The following NTRK3 variants were observed in gnomAD, a reference collection of about 807,000 sequenced individuals.
The protein encoded by NTRK3 is NT-3 growth factor receptor.
A neutral mutation model predicts 91.7 loss-of-function variants in NTRK3; 24 were observed. The observed-to-expected ratio is 0.26, with a 90% confidence interval of 0.19 to 0.37. NTRK3 has a LOEUF of 0.37. Among genes scored for constraint, NTRK3 ranks in the 10% least tolerant of loss-of-function variants. NTRK3 has a pLI of 1.00. For missense variants in NTRK3, 880 were observed against 1,068.9 expected (o/e 0.82, Z 2.46); for synonymous variants, 483 against 404.0 (o/e 1.20, Z -2.34).
chr15:88,238,566 T>C (rs2052022272), intron 3 of NTRK3, among the ~76,000 whole-genome samples: 1 of 152,258 alleles, frequency 6.6e-6, no homozygotes, highest in Non-Finnish European at 1.5e-5. Context: ...TTGGTTTGTA[T>C]TCAGCCCACG....
chr15:88,192,159 C>T (rs1482800355), intron 3 of NTRK3, among the ~76,000 whole-genome samples: 6 of 152,220 alleles, frequency 3.9e-5, no homozygotes, highest in Admixed American at 1.3e-4. Flanking sequence ...GAATGAAGAA[C>T]GTTTGTGCAC....
intron 17 of NTRK3, chr15:87,927,902 A>T (rs2068459155): frequency 6.6e-6 from 1 of 152,174 alleles, no homozygotes; most frequent in Admixed American, 6.5e-5. Context: ...CCTCCAAAAC[A>T]TTGTCCCACA....
intron 17 of NTRK3, among the ~76,000 whole-genome samples, chr15:87,915,465 T>C (rs2067382045): frequency 6.6e-6 from 1 of 152,254 alleles, no homozygotes; most frequent in Non-Finnish European, 1.5e-5. Flanking sequence ...TTGTAGCTAC[T>C]AACTCCACAA....
intron 13 of NTRK3, among the ~76,000 whole-genome samples, chr15:88,074,510 T>C (rs1345887984): frequency 1.3e-5 from 2 of 152,252 alleles, no homozygotes; most frequent in East Asian, 1.9e-4. Flanking sequence ...GACATCAGGC[T>C]GATCCTGTCC....
At chr15:88,135,074 C>A (rs776784764) in intron 10 of NTRK3, 27 bp downstream of exon 10, 33 of 1,613,766 alleles carry the variant, frequency 2.0e-5, no homozygotes, top group Non-Finnish European at 2.7e-5. Flanking sequence ...AATCCATACA[C>A]CTCCGATCCA....
chr15:88,252,082 T>A (rs2053450100), intron 3 of NTRK3, among the ~76,000 whole-genome samples: 1 of 152,132 alleles, frequency 6.6e-6, no homozygotes, highest in Non-Finnish European at 1.5e-5. Context: ...CCAGGTTTGA[T>A]CCTGGAAGTA....
intron 3 of NTRK3, among the ~76,000 whole-genome samples, chr15:88,223,925 G>A (rs971481141): frequency 2.0e-5 from 3 of 152,206 alleles, no homozygotes; most frequent in African/African-American, 7.2e-5. Context: ...GGAGCAAGAT[G>A]AGGGCAGTGA....
chr15:87,987,772 G>C (rs2074949921), intron 14 of NTRK3, among the ~76,000 whole-genome samples: 1 of 151,650 alleles, frequency 6.6e-6, no homozygotes. Context: ...CCTCCTCAAT[G>C]TCAGGATATT....
chr15:88,207,784 C>T (rs1238141220), intron 3 of NTRK3, among the ~76,000 whole-genome samples: 1 of 152,230 alleles, frequency 6.6e-6, no homozygotes, highest in Non-Finnish European at 1.5e-5. Flanking sequence ...ACAGCCTCAA[C>T]AGACCAGGGC....
At chr15:87,930,372 G>A (rs1005404829) in intron 16 of NTRK3, among the ~76,000 whole-genome samples, 1 of 152,148 alleles carries the variant, frequency 6.6e-6, no homozygotes, top group Non-Finnish European at 1.5e-5. Flanking sequence ...GTGGACCAAG[G>A]AGCCCTGGTG....
chr15:87,883,870 C>T (rs1449148839), intron 17 of NTRK3, among the ~76,000 whole-genome samples: 2 of 148,944 alleles, frequency 1.3e-5, no homozygotes, highest in Non-Finnish European at 3.0e-5. Flanking sequence ...AACTAAAGTC[C>T]TATTTCTTGA....
intron 17 of NTRK3, among the ~76,000 whole-genome samples, 186 bp downstream of exon 18, chr15:87,885,508 C>A (rs2065485753): frequency 2.0e-5 from 3 of 151,834 alleles, no homozygotes; most frequent in Admixed American, 6.6e-5. Context: ...AGCATTTTAT[C>A]AAACTATGTA....
intron 14 of NTRK3, among the ~76,000 whole-genome samples, chr15:87,949,726 T>C (rs1442230139): frequency 2.0e-5 from 3 of 152,166 alleles, no homozygotes; most frequent in Non-Finnish European, 4.4e-5. Context: ...TGCCCTTTCA[T>C]ACCCACTTCC....
At chr15:88,059,007 G>A (rs1016140292) in intron 13 of NTRK3, among the ~76,000 whole-genome samples, 2 of 151,890 alleles carry the variant, frequency 1.3e-5, no homozygotes, top group Non-Finnish European at 2.9e-5. Flanking sequence ...AACATGGAAA[G>A]CCCACAGAAG....
chr15:87,964,175 GA>G (rs2141223442), intron 14 of NTRK3, among the ~76,000 whole-genome samples: 1 of 152,198 alleles, frequency 6.6e-6, no homozygotes, highest in South Asian at 2.1e-4. Context: ...AATTGGCTTA[GA>G]TATAATTCAT....
chr15:87,969,379 T>G (rs111269506), intron 14 of NTRK3, among the ~76,000 whole-genome samples: 1 of 152,126 alleles, frequency 6.6e-6, no homozygotes, highest in Non-Finnish European at 1.5e-5. Context: ...GTCCCCCAAC[T>G]CATATATTGA....
chr15:88,055,529 A>T (rs1466496813), intron 13 of NTRK3, among the ~76,000 whole-genome samples: 1 of 152,184 alleles, frequency 6.6e-6, no homozygotes, highest in Non-Finnish European at 1.5e-5. Flanking sequence ...GCATCTCCTT[A>T]GATTTGCATA....
chr15:87,904,038 C>T (rs1320069207), intron 17 of NTRK3, among the ~76,000 whole-genome samples: 1 of 152,130 alleles, frequency 6.6e-6, no homozygotes, highest in Non-Finnish European at 1.5e-5. Flanking sequence ...AGGTGTGTGT[C>T]CTTAGGTTCC....
chr15:87,990,237 T>C (rs1274637294), intron 14 of NTRK3, among the ~76,000 whole-genome samples: 1 of 152,124 alleles, frequency 6.6e-6, no homozygotes, highest in African/African-American at 2.4e-5. Context: ...GGAACCCAGA[T>C]AGGGGTCAGC....
Sources: gnomAD v4.1 joint callset for allele counts (sites outside exome capture counted in the v4.1 genomes callset) on GRCh38, gnomAD v4.1.1 for gene constraint, MANE v1.5 for transcripts, NCBI Gene and HGNC (gene_info 2026-07-23, HGNC 2026-07-21) for gene names.